Variants in KHDRBS2 observed in about 807,000 individuals in gnomAD.
KHDRBS2 encodes KH domain-containing, RNA-binding, signal transduction-associated protein 2.
A neutral mutation model predicts 44.3 loss-of-function variants in KHDRBS2; 26 were observed. The observed-to-expected ratio is 0.59, with a 90% CI of 0.43 to 0.81. The LOEUF is 0.81. Among genes scored for constraint, KHDRBS2 ranks in the 40% least tolerant of loss-of-function variants. KHDRBS2 has a pLI of 0.00. For synonymous variants in KHDRBS2, 194 were observed against 151.1 expected (o/e 1.28, Z -2.08); for missense variants, 476 against 433.1 (o/e 1.10, Z -0.88).
At chr6:61,603,633 C>G in the KHDRBS2 span, among the ~76,000 whole-genome samples, 6 of 152,158 alleles carry the variant, frequency 3.9e-5, no homozygotes, top group Non-Finnish European at 8.8e-5. Context: ...TAGAGGCCCT[C>G]AAAATCACAA....
chr6:62,091,026 C>A (rs1248009303), intron 2 of KHDRBS2, among the ~76,000 whole-genome samples: 1 of 152,162 alleles, frequency 6.6e-6, no homozygotes, highest in East Asian at 1.9e-4. Context: ...TTGGGAATGT[C>A]AGGGCCTGTC....
intron 6 of KHDRBS2, among the ~76,000 whole-genome samples, chr6:61,837,198 A>G (rs972862085): frequency 2.0e-5 from 3 of 152,042 alleles, no homozygotes; most frequent in Admixed American, 6.6e-5. Context: ...ATCTCATTCT[A>G]TCTATCTAAT....
the KHDRBS2 span, among the ~76,000 whole-genome samples, chr6:61,584,094 T>C: frequency 6.6e-6 from 1 of 151,762 alleles, no homozygotes; most frequent in Non-Finnish European, 1.5e-5. Context: ...TTAGCTTTAG[T>C]ACTTTTCTCA....
intron 3 of KHDRBS2, among the ~76,000 whole-genome samples, chr6:61,991,693 A>C (rs1776162591): frequency 6.6e-6 from 1 of 152,198 alleles, no homozygotes. Context: ...TTTTTGAAAT[A>C]AATTTTCAAG....
intron 2 of KHDRBS2, among the ~76,000 whole-genome samples, chr6:62,122,870 ATTTAT>A (rs1290965233): frequency 1.0e-4 from 14 of 133,548 alleles, no homozygotes; most frequent in East Asian, 6.1e-4. Context: ...TATTTTTTCA[ATTTAT>A]TTTATTTTAT....
chr6:61,556,117 T>C, the KHDRBS2 span, among the ~76,000 whole-genome samples: 2 of 152,096 alleles, frequency 1.3e-5, no homozygotes, highest in Admixed American at 6.5e-5. Context: ...AGGTGCAGGA[T>C]GGAGGAGGGA....
At chr6:62,207,312 C>T (rs1267263829) in intron 1 of KHDRBS2, among the ~76,000 whole-genome samples, 1 of 152,078 alleles carries the variant, frequency 6.6e-6, no homozygotes, top group Non-Finnish European at 1.5e-5. Context: ...TTTAAAGGGT[C>T]TGCTATACTT....
chr6:62,007,890 C>G (rs1371401927), intron 3 of KHDRBS2, among the ~76,000 whole-genome samples: 1 of 152,076 alleles, frequency 6.6e-6, no homozygotes, highest in Non-Finnish European at 1.5e-5. Flanking sequence ...TTGTGCATCT[C>G]TACTGTAAAA....
At chr6:62,222,174 C>A (rs923189016) in intron 1 of KHDRBS2, among the ~76,000 whole-genome samples, 4 of 151,416 alleles carry the variant, frequency 2.6e-5, no homozygotes, top group Non-Finnish European at 4.4e-5. Context: ...CCTCTCACGC[C>A]TTAGTATTTT....
intron 7 of KHDRBS2, among the ~76,000 whole-genome samples, chr6:61,729,198 G>A (rs904075064): frequency 6.6e-6 from 1 of 152,070 alleles, no homozygotes; most frequent in African/African-American, 2.4e-5. Context: ...GGAGCTGGGG[G>A]CCATTATCCT....
rs137944077 is a variant in KHDRBS2 at position 62,251,868 on chromosome 6, T to C, written c.91+33990A>G. Reference sequence around the variant, plus strand: ...TATTATTAAAAAATAGTAAATGTAGTATTAAAGATAAAGCATAAATAATAT... The same window carrying C: ...TATTATTAAAAAATAGTAAATGTAGCATTAAAGATAAAGCATAAATAATAT... On this transcript the variant is annotated intron_variant, in intron 1 of 8. Coordinates refer to ENST00000281156, the MANE Select transcript of KHDRBS2 (RefSeq NM_152688.4). Among the ~76,000 whole-genome samples the C allele has an allele frequency of 2.5e-3, 386 of 152,036 alleles. 3 individuals are homozygous for C. The highest frequency in any genetic ancestry group is 8.5e-3 in the African/African-American group (353 of 41,548).
chr6:62,224,511 T>C (rs1370179827), intron 1 of KHDRBS2, among the ~76,000 whole-genome samples: 2 of 152,212 alleles, frequency 1.3e-5, no homozygotes, highest in East Asian at 1.9e-4. Flanking sequence ...TTTCCTAATA[T>C]TGTTGGAAAC....
At chr6:62,224,446 C>A (rs1196626216) in intron 1 of KHDRBS2, among the ~76,000 whole-genome samples, 1 of 152,006 alleles carries the variant, frequency 6.6e-6, no homozygotes, top group African/African-American at 2.4e-5. Context: ...TATGGGAATA[C>A]GACTCCCTAA....
the KHDRBS2 span, among the ~76,000 whole-genome samples, chr6:61,581,948 C>T: frequency 1.3e-5 from 2 of 151,518 alleles, no homozygotes; most frequent in South Asian, 4.2e-4. Context: ...TAAATCTAGA[C>T]ATAAGTAACA....
intron 5 of KHDRBS2, 118 bp downstream of exon 5, chr6:61,901,126 G>T (rs1803932574): frequency 4.4e-6 from 4 of 914,700 alleles, no homozygotes; most frequent in African/African-American, 1.7e-5. Flanking sequence ...TGTTTTTGCT[G>T]TGGTGGTAGT....
intron 1 of KHDRBS2, among the ~76,000 whole-genome samples, chr6:62,203,468 T>G (rs1827386887): frequency 6.6e-6 from 1 of 152,046 alleles, no homozygotes; most frequent in African/African-American, 2.4e-5. Flanking sequence ...AAGACTTCTG[T>G]GTTTTTGTTT....
At chr6:62,113,146 C>A (rs1332109468) in intron 2 of KHDRBS2, among the ~76,000 whole-genome samples, 4 of 152,058 alleles carry the variant, frequency 2.6e-5, no homozygotes, top group Non-Finnish European at 5.9e-5. Context: ...CTATAAGAGC[C>A]ACATATTAAA....
At chr6:61,756,773 T>G (rs1406352412) in intron 6 of KHDRBS2, among the ~76,000 whole-genome samples, 1 of 152,210 alleles carries the variant, frequency 6.6e-6, no homozygotes, top group Admixed American at 6.5e-5. Flanking sequence ...GACACAGGTA[T>G]GCACCAGTGA....
At chr6:62,120,958 G>A (rs1562910408) in intron 2 of KHDRBS2, among the ~76,000 whole-genome samples, 2 of 152,090 alleles carry the variant, frequency 1.3e-5, no homozygotes, top group Non-Finnish European at 2.9e-5. Context: ...GACTTTTTGG[G>A]GATTATTGTA....
Sources: gnomAD v4.1 joint callset for allele counts (sites outside exome capture counted in the v4.1 genomes callset) on GRCh38, gnomAD v4.1.1 for gene constraint, MANE v1.5 for transcripts, NCBI Gene and HGNC (gene_info 2026-07-23, HGNC 2026-07-21) for gene names.